Variants in ADAM7 observed in about 807,000 individuals in gnomAD.
ADAM7 encodes ADAM metallopeptidase domain 7.
A neutral mutation model predicts 102.9 loss-of-function variants in ADAM7; 97 were observed. That is an observed-to-expected ratio of 0.94 (90% CI 0.80 to 1.12). The LOEUF (loss-of-function observed/expected upper bound fraction) is 1.12, where lower values mean the gene tolerates loss of function less well. Ranked by LOEUF, ADAM7 falls within the 50% of genes most tolerant of loss-of-function variation. ADAM7 has a pLI of 0.00. For synonymous variants in ADAM7, 334 were observed against 304.4 expected, an observed-to-expected ratio of 1.10 and a Z score of -1.01; for missense variants, 991 against 908.7, an observed-to-expected ratio of 1.09 and a Z score of -1.16.
intron 2 of ADAM7, among the ~76,000 whole-genome samples, chr8:24,444,582 T>C (rs1385852376): frequency 1.3e-5 from 2 of 151,846 alleles, no homozygotes; most frequent in Non-Finnish European, 2.9e-5. Context: ...TCAAAATCTG[T>C]AACATCAGTC....
intron 8 of ADAM7, among the ~76,000 whole-genome samples, chr8:24,478,679 T>C (rs1420424209): frequency 6.6e-6 from 1 of 152,206 alleles, no homozygotes; most frequent in East Asian, 1.9e-4. Context: ...ATATTATGGA[T>C]AACTAATTTA....
intron 3 of ADAM7, among the ~76,000 whole-genome samples, chr8:24,453,769 C>T (rs1164679238): frequency 6.6e-6 from 1 of 152,146 alleles, no homozygotes; most frequent in African/African-American, 2.4e-5. Flanking sequence ...GTTTTTTCTC[C>T]ATCTTTGTGG....
At position 24,467,111 on chromosome 8, in the gene ADAM7, T is replaced by A. The variant is rs148882775; in HGVS notation, c.579+123T>A. The stretch of plus-strand genomic sequence containing the variant: ...GTGCTACTTTCAGTCTGGCACTTCA[T>A]CTGATATTTGAAATTGGAAAATTTT... On this transcript the variant is annotated intron_variant, in intron 6 of 21. Coordinates refer to ENST00000175238, the MANE Select transcript of ADAM7 (RefSeq NM_003817.4). 1.2e-4 allele frequency: 122 copies of A among 986,710 alleles called. No individual in the cohort carries two copies. The African/African-American group carries it at 1.9e-3, about 15-fold the overall frequency. The allele number at this position is 986,710 out of a possible 1,614,324, so 61.1% of individuals were successfully genotyped here.
At chr8:24,472,176 C>T (rs924835712) in intron 7 of ADAM7, among the ~76,000 whole-genome samples, 8 of 149,272 alleles carry the variant, frequency 5.4e-5, no homozygotes, top group African/African-American at 2.0e-4. Context: ...TTTAGCTCCT[C>T]TCCATCAGAA....
chr8:24,447,299 T>C, intron 3 of ADAM7, 37 bp downstream of exon 3: 1 of 1,250,072 alleles, frequency 8.0e-7, no homozygotes, highest in South Asian at 2.0e-5. Flanking sequence ...TTATAGATTT[T>C]AGTAATTATG....
At position 24,499,220 on chromosome 8, in the gene ADAM7, G is replaced by T. The variant is rs1446793518; in HGVS notation, c.1843-16G>T. 1.3e-6 allele frequency: 2 copies of T among 1,556,710 alleles called. No homozygotes were observed. Among genetic ancestry groups the T allele is most frequent in the Admixed American group, 1.9e-5 (1 of 52,412 alleles). On this transcript the variant is annotated splice_polypyrimidine_tract_variant and intron_variant, in intron 16 of 21. Transcript: ENST00000175238. ...TGTAAGTCATTTTAATTCATGCTTGGTTACTTCATTTCTAGGTGTGCAACA... is the reference window on the plus strand; with the variant it reads ...TGTAAGTCATTTTAATTCATGCTTGTTTACTTCATTTCTAGGTGTGCAACA...
rs200420185 is a variant in ADAM7 at position 24,489,230 on chromosome 8, C to T, written c.1163C>T (p.Thr388Ile). 2.7e-4 allele frequency: 433 copies of T among 1,613,644 alleles called. 4 individuals carry two copies. The South Asian group carries it at 4.2e-3, about 16-fold the overall frequency. The change falls in exon 12 of 22, where the codon ACA becomes ATA. Residue 388 changes from threonine (T) to isoleucine (I), a missense_variant. Coordinates refer to ENST00000175238, the MANE Select transcript of ADAM7 (RefSeq NM_003817.4). ...YHQYLKDYKP[T>I]CMLNIPFPYN... Reference sequence around the variant, plus strand: ...CAGTACTTGAAGGATTATAAGCCAACATGCATGCTCAACATTCCATTTCCT... The same window carrying T: ...CAGTACTTGAAGGATTATAAGCCAATATGCATGCTCAACATTCCATTTCCT...
chr8:24,450,382 A>C (rs1012741790), intron 3 of ADAM7, among the ~76,000 whole-genome samples: 9 of 152,022 alleles, frequency 5.9e-5, no homozygotes, highest in African/African-American at 1.4e-4. Context: ...TGTAAGTTGG[A>C]TTCCTAGGTA....
chr8:24,461,152 C>A (rs1382421151), intron 3 of ADAM7, among the ~76,000 whole-genome samples: 2 of 152,082 alleles, frequency 1.3e-5, no homozygotes, highest in Non-Finnish European at 2.9e-5. Flanking sequence ...GCCACCACGC[C>A]CAGCTAATTT....
At chr8:24,490,564 A>G in intron 12 of ADAM7, 2 of 464,052 alleles carry the variant, frequency 4.3e-6, no homozygotes, top group Non-Finnish European at 7.7e-6. Context: ...GGACTCTCTA[A>G]TTCTGTCAAT....
chr8:24,491,845 C>T (rs1159632784), intron 13 of ADAM7, 58 bp from the exon 14 acceptor site: 27 of 1,398,146 alleles, frequency 1.9e-5, no homozygotes, highest in Middle Eastern at 1.8e-4. Context: ...TGTCTACTTA[C>T]GAAACCTTAC....
At chr8:24,501,418 T>C (rs567492766) in intron 19 of ADAM7, 59 bp from the exon 20 acceptor site, 2 of 1,278,102 alleles carry the variant, frequency 1.6e-6, no homozygotes, top group African/African-American at 1.5e-5. Flanking sequence ...CATGAAGAAA[T>C]AAATAACCTG....
chr8:24,450,201 C>T (rs1487226633), intron 3 of ADAM7, among the ~76,000 whole-genome samples: 5 of 152,122 alleles, frequency 3.3e-5, no homozygotes, highest in Non-Finnish European at 7.3e-5. Flanking sequence ...TCATTGGTAG[C>T]TTGATGGGGA....
At chr8:24,441,767 CTT>C (rs1255199045) in intron 1 of ADAM7, among the ~76,000 whole-genome samples, 1 of 152,160 alleles carries the variant, frequency 6.6e-6, no homozygotes, top group Non-Finnish European at 1.5e-5. Context: ...AAAGGTAAGA[CTT>C]TAAATGCAAA....
chr8:24,457,869 T>TGA (rs1490424644), intron 3 of ADAM7, among the ~76,000 whole-genome samples: 4 of 151,320 alleles, frequency 2.6e-5, no homozygotes, highest in Non-Finnish European at 5.9e-5. Context: ...TGTGAGTGTG[T>TGA]GTGTGTGTGT....
At chr8:24,500,098 G>A in intron 17 of ADAM7, 80 bp from the exon 18 acceptor site, 5 of 1,245,480 alleles carry the variant, frequency 4.0e-6, no homozygotes, top group Non-Finnish European at 5.6e-6. Context: ...GTTTGATGTA[G>A]AGGTAGCACT....
Position 24,476,518 on chromosome 8 carries a change from C to A in ADAM7, c.705+14C>A. ...TTTGTCAACATGGTAAGATTTGATA[C>A]AGTTTTTGAATCAAGCCAATAATAC... On this transcript the variant is annotated intron_variant, in intron 8 of 21. Coordinates refer to ENST00000175238, the MANE Select transcript of ADAM7 (RefSeq NM_003817.4). 1 of 1,594,498 alleles carries A rather than the reference C, an allele frequency of 6.3e-7. No individual in the cohort carries two copies. Among genetic ancestry groups the A allele is most frequent in the Non-Finnish European group, 8.6e-7 (1 of 1,164,258 alleles).
chr8:24,459,708 C>T (rs1011530605), intron 3 of ADAM7, among the ~76,000 whole-genome samples: 1 of 152,140 alleles, frequency 6.6e-6, no homozygotes. Flanking sequence ...AATTCTCCTG[C>T]CTTGGCCTCC....
intron 1 of ADAM7, among the ~76,000 whole-genome samples, chr8:24,442,113 G>T (rs1168798723): frequency 6.6e-6 from 1 of 152,186 alleles, no homozygotes; most frequent in Non-Finnish European, 1.5e-5. Flanking sequence ...GGCGGAGGTT[G>T]CAGTGAGCCG....
Sources: allele counts gnomAD v4.1 joint callset (sites outside exome capture counted in the v4.1 genomes callset), GRCh38; gene constraint gnomAD v4.1.1; transcripts MANE v1.5; gene names NCBI Gene and HGNC (gene_info 2026-07-23, HGNC 2026-07-21).